STXBP6: variants seen among roughly 807,000 people sequenced by gnomAD.
STXBP6 encodes syntaxin binding protein 6, also known as syntaxin-binding protein 6.
A neutral mutation model predicts 26.9 loss-of-function variants in STXBP6; 21 were observed. The ratio of observed to expected loss-of-function variants is 0.78; its 90% CI spans 0.55 to 1.12. The LOEUF is 1.12. Among genes scored for constraint, STXBP6 ranks in the 50% most tolerant of loss-of-function variants. The pLI, the probability that STXBP6 is intolerant of heterozygous loss-of-function variation, is 0.00. For synonymous variants in STXBP6, 97 were observed against 92.6 expected, an observed-to-expected ratio of 1.05 and a Z score of -0.27; for missense variants, 232 against 257.9, an observed-to-expected ratio of 0.90 and a Z score of 0.69.
chr14:24,950,355 T>G (rs1265485250), intron 2 of STXBP6, among the ~76,000 whole-genome samples: 2 of 152,120 alleles, frequency 1.3e-5, no homozygotes, highest in Non-Finnish European at 2.9e-5. Flanking sequence ...AAATATGTAA[T>G]TATATTTACC....
intron 2 of STXBP6, 38 bp downstream of exon 2, chr14:24,974,627 A>T: frequency 6.7e-7 from 1 of 1,499,240 alleles, no homozygotes; most frequent in Non-Finnish European, 9.0e-7. Context: ...TTTAAAATGG[A>T]AGTTATTTTA....
intron 4 of STXBP6, among the ~76,000 whole-genome samples, chr14:24,836,303 A>G (rs2068609254): frequency 6.6e-6 from 1 of 152,168 alleles, no homozygotes. Context: ...TACAACTCAG[A>G]AGTGAAAATC....
At chr14:24,950,311 C>G (rs2073120152) in intron 2 of STXBP6, among the ~76,000 whole-genome samples, 1 of 152,104 alleles carries the variant, frequency 6.6e-6, no homozygotes, top group African/African-American at 2.4e-5. Context: ...TACTCTTCAA[C>G]TTAGCAATCA....
intron 2 of STXBP6, among the ~76,000 whole-genome samples, chr14:24,944,400 A>G (rs2072908060): frequency 6.6e-6 from 1 of 152,148 alleles, no homozygotes; most frequent in Non-Finnish European, 1.5e-5. Context: ...TAAACACATC[A>G]TGGCGGAAAA....
intron 1 of STXBP6, among the ~76,000 whole-genome samples, chr14:24,981,656 A>T (rs1044668827): frequency 2.6e-5 from 4 of 152,180 alleles, no homozygotes; most frequent in Non-Finnish European, 5.9e-5. Context: ...CCTCTCCAAC[A>T]GAGATTAATA....
chr14:24,876,227 C>A (rs980824310), intron 2 of STXBP6, among the ~76,000 whole-genome samples: 36 of 152,114 alleles, frequency 2.4e-4, no homozygotes, highest in African/African-American at 8.2e-4. Flanking sequence ...ATAAAGCCAG[C>A]CAGAGAGCAG....
intron 2 of STXBP6, among the ~76,000 whole-genome samples, chr14:24,868,501 G>A (rs1195133607): frequency 1.3e-5 from 2 of 152,108 alleles, no homozygotes; most frequent in Non-Finnish European, 2.9e-5. Context: ...CCAAACACTG[G>A]AAACAACCCA....
intron 1 of STXBP6, among the ~76,000 whole-genome samples, chr14:24,994,551 G>T (rs1396827092): frequency 6.6e-6 from 1 of 152,124 alleles, no homozygotes; most frequent in Non-Finnish European, 1.5e-5. Context: ...GGCTTAGATA[G>T]CACTTTCTCC....
At chr14:24,857,785 A>G (rs2069392169) in intron 2 of STXBP6, among the ~76,000 whole-genome samples, 1 of 151,744 alleles carries the variant, frequency 6.6e-6, no homozygotes, top group Admixed American at 6.6e-5. Flanking sequence ...GAAAAGGACA[A>G]TTTCTTCTCT....
chr14:24,830,525 A>C (rs994696010), intron 4 of STXBP6, among the ~76,000 whole-genome samples: 1 of 152,160 alleles, frequency 6.6e-6, no homozygotes, highest in Non-Finnish European at 1.5e-5. Flanking sequence ...TAGTGGTGCA[A>C]TTTACAAGAT....
At chr14:24,922,016 T>C (rs981566363) in intron 2 of STXBP6, among the ~76,000 whole-genome samples, 8 of 152,072 alleles carry the variant, frequency 5.3e-5, no homozygotes, top group African/African-American at 1.4e-4. Context: ...ATACCATGCA[T>C]CATATTCCAG....
At chr14:24,896,420 T>G (rs564647007) in intron 2 of STXBP6, among the ~76,000 whole-genome samples, 2 of 152,294 alleles carry the variant, frequency 1.3e-5, no homozygotes, top group Admixed American at 1.3e-4. Flanking sequence ...AAGGAGGGTT[T>G]AAACAATCAG....
At chr14:24,841,323 T>C (rs1029644957) in intron 4 of STXBP6, among the ~76,000 whole-genome samples, 1 of 152,218 alleles carries the variant, frequency 6.6e-6, no homozygotes. Context: ...CATCAGTTTA[T>C]CCTTCCACAG....
rs140251360 is a variant in STXBP6 at position 25,024,105 on chromosome 14, C to G, written c.-33+25773G>C. Among the ~76,000 whole-genome samples, 89 of 152,062 alleles carry G rather than the reference C, an allele frequency of 5.9e-4. No homozygotes were observed. The East Asian group carries it at 0.017, about 29-fold the overall frequency. On this transcript the variant is annotated intron_variant, in intron 1 of 5. Coordinates refer to ENST00000323944, the MANE Select transcript of STXBP6 (RefSeq NM_001394410.1). Reference sequence around the variant, plus strand: ...TGGGCAGATCACAAGGTCAGGAGATCGAGACCATCCTGGCTAACACGGTGA... The same window carrying G: ...TGGGCAGATCACAAGGTCAGGAGATGGAGACCATCCTGGCTAACACGGTGA...
chr14:24,893,560 G>A (rs2070869408), intron 2 of STXBP6, among the ~76,000 whole-genome samples: 1 of 152,142 alleles, frequency 6.6e-6, no homozygotes. Flanking sequence ...AAACAAAAAA[G>A]CCTCCATCTG....
chr14:24,862,199 T>G (rs142709013), intron 2 of STXBP6, among the ~76,000 whole-genome samples: 1 of 152,108 alleles, frequency 6.6e-6, no homozygotes, highest in Non-Finnish European at 1.5e-5. Flanking sequence ...TGGGGGTCTA[T>G]GTTATCCAGG....
At chr14:24,979,245 A>G (rs2074124945) in intron 1 of STXBP6, among the ~76,000 whole-genome samples, 1 of 152,230 alleles carries the variant, frequency 6.6e-6, no homozygotes, top group Non-Finnish European at 1.5e-5. Context: ...GTGCCACACA[A>G]TTATTCTAGA....
intron 2 of STXBP6, among the ~76,000 whole-genome samples, chr14:24,964,712 G>A (rs998975206): frequency 1.3e-5 from 2 of 150,106 alleles, no homozygotes; most frequent in Admixed American, 1.3e-4. Flanking sequence ...GGAAAGAGCT[G>A]GAGAAACAAG....
chr14:24,962,269 C>T (rs1358922977), intron 2 of STXBP6, among the ~76,000 whole-genome samples: 4 of 151,628 alleles, frequency 2.6e-5, no homozygotes, highest in East Asian at 1.9e-4. Context: ...GGTTGTTAAG[C>T]GCACAAAGTA....
Sources: allele counts gnomAD v4.1 joint callset (sites outside exome capture counted in the v4.1 genomes callset), GRCh38; gene constraint gnomAD v4.1.1; transcripts MANE v1.5; gene names NCBI Gene and HGNC (gene_info 2026-07-23, HGNC 2026-07-21).